The following ARHGEF4 variants were observed in gnomAD, a reference collection of about 807,000 sequenced individuals.
ARHGEF4 encodes Rho guanine nucleotide exchange factor 4, also known as APC-stimulated guanine nucleotide exchange factor 1.
In ARHGEF4, 119 loss-of-function variants were observed where a neutral mutation model predicts 162.0. That is an observed-to-expected ratio of 0.73 (90% CI 0.63 to 0.86). ARHGEF4 has a LOEUF of 0.86. ARHGEF4 is among the 40% of genes least tolerant of loss of function. The probability of loss-of-function intolerance (pLI) is 0.00; values close to 1 mark genes in which losing one functional copy is unlikely to be tolerated. For synonymous variants in ARHGEF4, 1,014 were observed against 979.9 expected, an observed-to-expected ratio of 1.03 and a Z score of -0.65; for missense variants, 2,488 against 2,456.0, an observed-to-expected ratio of 1.01 and a Z score of -0.28.
chr2:130,846,108 C>T (rs984553575), intron 1 of ARHGEF4, among the ~76,000 whole-genome samples: 3 of 152,226 alleles, frequency 2.0e-5, no homozygotes, highest in East Asian at 1.9e-4. Flanking sequence ...AGGCCTGGCT[C>T]AAGGTCTGTT....
chr2:130,921,283 C>T (rs907483286), intron 2 of ARHGEF4, among the ~76,000 whole-genome samples: 5 of 152,132 alleles, frequency 3.3e-5, no homozygotes, highest in African/African-American at 1.2e-4. Flanking sequence ...GGGCGGATCA[C>T]GAGGTCAGGA....
At chr2:130,948,495 C>T (rs1024273812) in intron 4 of ARHGEF4, among the ~76,000 whole-genome samples, 4 of 152,186 alleles carry the variant, frequency 2.6e-5, no homozygotes, top group African/African-American at 9.7e-5. Context: ...AGAGAGAATC[C>T]TCAAAGCTGA....
intron 1 of ARHGEF4, among the ~76,000 whole-genome samples, chr2:130,872,363 T>A (rs754692368): frequency 2.0e-4 from 30 of 152,104 alleles, no homozygotes; most frequent in Non-Finnish European, 3.2e-4. Flanking sequence ...TGACGGCAGA[T>A]GAACGTTTGA....
chr2:131,046,230 A>C lies in ARHGEF4; in HGVS notation c.*41A>C. ...ACAGCACCTGCTGGGCCTTCCTGCC[A>C]GTGGCCCCCAGTTTTTCTTCCCCGA... is the stretch of plus-strand genomic sequence containing the variant. On this transcript the variant is annotated 3_prime_UTR_variant, in exon 14 of 14. Transcript: ENST00000409359. The C allele has an allele frequency of 6.4e-7, 1 of 1,569,548 alleles. No homozygotes were observed. Among genetic ancestry groups the C allele is most frequent in the East Asian group, 2.3e-5 (1 of 43,208 alleles).
intron 4 of ARHGEF4, among the ~76,000 whole-genome samples, chr2:130,988,937 A>G (rs199762999): frequency 0.025 from 2,616 of 104,024 alleles, 52 homozygotes; most frequent in African/African-American, 0.084. Flanking sequence ...GAGAGAGAGA[A>G]AGATTCCAAA....
chr2:131,020,285 C>T (rs922107129), intron 4 of ARHGEF4, among the ~76,000 whole-genome samples: 14 of 151,060 alleles, frequency 9.3e-5, no homozygotes, highest in Middle Eastern at 3.2e-3. Context: ...GTGTGCTGCA[C>T]CCATTAACTC....
intron 1 of ARHGEF4, among the ~76,000 whole-genome samples, chr2:130,849,040 G>A (rs931330654): frequency 1.3e-5 from 2 of 152,150 alleles, no homozygotes; most frequent in African/African-American, 4.8e-5. Flanking sequence ...GAGGACAGCT[G>A]TGGGGACTCC....
At chr2:130,870,629 G>A (rs1678409572) in intron 1 of ARHGEF4, among the ~76,000 whole-genome samples, 1 of 152,228 alleles carries the variant, frequency 6.6e-6, no homozygotes, top group African/African-American at 2.4e-5. Flanking sequence ...AGTCAGGGAT[G>A]AAGCCAGGGT....
At position 130,874,901 on chromosome 2, in the gene ARHGEF4, G is replaced by A. The variant is rs143890671; in HGVS notation, c.39+37909G>A. 4.9e-3 allele frequency among the ~76,000 whole-genome samples: 752 copies of A among 152,168 alleles called. 4 individuals carry two copies. The highest frequency in any genetic ancestry group is 0.028 in the South Asian group (137 of 4,822). ...TACCATTTTGGGTTTGAATTTCTTTGCTCAGCATTATTCTCTAGAGACTCA... is the reference window on the plus strand; with the variant it reads ...TACCATTTTGGGTTTGAATTTCTTTACTCAGCATTATTCTCTAGAGACTCA... On this transcript the variant is annotated intron_variant, in intron 1 of 13. Transcript: ENST00000409359.
chr2:131,023,074 C>CATAAAAA (rs1553442814), intron 4 of ARHGEF4, among the ~76,000 whole-genome samples: 1 of 66,650 alleles, frequency 1.5e-5, no homozygotes, highest in Non-Finnish European at 2.8e-5. Flanking sequence ...AACCCTGTCT[C>CATAAAAA]AAAAAAAAAA....
intron 1 of ARHGEF4, among the ~76,000 whole-genome samples, chr2:130,847,880 G>A (rs1681107582): frequency 6.6e-6 from 1 of 152,236 alleles, no homozygotes; most frequent in East Asian, 1.9e-4. Context: ...TGCGTGCCCT[G>A]ACCCTCCCCA....
chr2:130,845,820 C>T (rs1190543637), intron 1 of ARHGEF4, among the ~76,000 whole-genome samples: 1 of 152,210 alleles, frequency 6.6e-6, no homozygotes, highest in Non-Finnish European at 1.5e-5. Context: ...GGATGGGCCT[C>T]CAGGGAACCA....
intron 1 of ARHGEF4, among the ~76,000 whole-genome samples, chr2:130,847,954 G>T (rs1414056827): frequency 6.6e-6 from 1 of 151,878 alleles, no homozygotes; most frequent in Non-Finnish European, 1.5e-5. Context: ...GGGCCGCTGG[G>T]CTGGGGTCTG....
chr2:130,923,782 G>T (rs1682043230), intron 2 of ARHGEF4, among the ~76,000 whole-genome samples: 1 of 152,148 alleles, frequency 6.6e-6, no homozygotes, highest in Non-Finnish European at 1.5e-5. Context: ...GCCCTGGAAG[G>T]TCCAGCCTCA....
chr2:130,928,407 C>T (rs929328136), intron 2 of ARHGEF4, among the ~76,000 whole-genome samples: 1 of 152,218 alleles, frequency 6.6e-6, no homozygotes, highest in Non-Finnish European at 1.5e-5. Flanking sequence ...TCATCCCAAA[C>T]CTCTCCACTG....
chr2:130,981,596 T>C (rs1231645165), intron 4 of ARHGEF4, among the ~76,000 whole-genome samples: 11 of 149,514 alleles, frequency 7.4e-5, no homozygotes, highest in Admixed American at 7.3e-4. Context: ...GAGGTGGAGG[T>C]TGCAGTGAGC....
chr2:130,885,462 T>A (rs1460984524), intron 1 of ARHGEF4, among the ~76,000 whole-genome samples: 1 of 151,718 alleles, frequency 6.6e-6, no homozygotes, highest in Non-Finnish European at 1.5e-5. Context: ...AAAGGTCTCA[T>A]CGTAATACTG....
At chr2:130,845,418 G>A (rs1680893116) in intron 1 of ARHGEF4, among the ~76,000 whole-genome samples, 1 of 151,894 alleles carries the variant, frequency 6.6e-6, no homozygotes, top group African/African-American at 2.4e-5. Context: ...GTTGAGGCAG[G>A]AGGATCATGG....
intron 2 of ARHGEF4, among the ~76,000 whole-genome samples, chr2:130,926,468 T>C (rs1261589365): frequency 6.6e-6 from 1 of 152,180 alleles, no homozygotes; most frequent in African/African-American, 2.4e-5. Context: ...GAGTTTCTAT[T>C]TTATTCTGGA....
Sources: allele counts gnomAD v4.1 joint callset (sites outside exome capture counted in the v4.1 genomes callset), GRCh38; gene constraint gnomAD v4.1.1; transcripts MANE v1.5; gene names NCBI Gene and HGNC (gene_info 2026-07-23, HGNC 2026-07-21).